TRIM37: variants seen among roughly 807,000 people sequenced by gnomAD.
The protein encoded by TRIM37 is tripartite motif containing 37.
Under a neutral mutation model 129.8 loss-of-function variants are expected in TRIM37, and 80 were observed. That is an observed-to-expected ratio of 0.62 (90% CI 0.51 to 0.74). TRIM37 has a LOEUF of 0.74. Among genes scored for constraint, TRIM37 ranks in the 30% least tolerant of loss-of-function variants. The pLI, the probability that TRIM37 is intolerant of heterozygous loss-of-function variation, is 0.00. For missense variants in TRIM37, 1,054 were observed against 1,176.5 expected (o/e 0.90, Z 1.52); for synonymous variants, 389 against 387.1 (o/e 1.00, Z -0.06).
At chr17:59,003,756 G>T (rs961647399) in intron 22 of TRIM37, among the ~76,000 whole-genome samples, 3 of 151,340 alleles carry the variant, frequency 2.0e-5, no homozygotes, top group African/African-American at 7.3e-5. Flanking sequence ...AGATGACACA[G>T]ATGTCTGGAA....
intron 9 of TRIM37, among the ~76,000 whole-genome samples, chr17:59,067,870 A>T (rs1383086721): frequency 1.3e-5 from 2 of 152,196 alleles, no homozygotes; most frequent in Admixed American, 6.5e-5. Flanking sequence ...TCTCCCATGC[A>T]GCACCTACAA....
chr17:58,983,348 A>G (rs1362624974), intron 24 of TRIM37: 1 of 158,912 alleles, frequency 6.3e-6, no homozygotes, highest in Admixed American at 6.2e-5. Flanking sequence ...ATCCTTTAAA[A>G]TTCTATAATA....
chr17:59,001,491 A>C, intron 23 of TRIM37, 107 bp downstream of exon 23: 1 of 1,424,670 alleles, frequency 7.0e-7, no homozygotes. Context: ...AGAAGAAGCA[A>C]AAGCAGTAGA....
At chr17:59,101,693 TATACACACACAC>T (rs1363348787) in intron 2 of TRIM37, among the ~76,000 whole-genome samples, 1 of 118,588 alleles carries the variant, frequency 8.4e-6, no homozygotes, top group African/African-American at 3.1e-5. Flanking sequence ...TATATATATA[TATACACACACAC>T]ACACACACAC....
chr17:59,076,866 G>A (rs12950833), intron 7 of TRIM37, among the ~76,000 whole-genome samples: 5 of 152,072 alleles, frequency 3.3e-5, no homozygotes, highest in Admixed American at 6.6e-5. Flanking sequence ...TCAGCTCACC[G>A]CAACCTTTGC....
chr17:58,998,097 A>T, downstream of TRIM37: 1 of 568,658 alleles, frequency 1.8e-6, no homozygotes, highest in Non-Finnish European at 2.2e-6. Context: ...CCATTAGACT[A>T]AACACAAACT....
chr17:59,056,631 G>T (rs556955897), intron 13 of TRIM37, among the ~76,000 whole-genome samples: 5 of 146,594 alleles, frequency 3.4e-5, no homozygotes, highest in Non-Finnish European at 7.5e-5. Context: ...TCGGGAGGCT[G>T]AGGCAGGAGA....
downstream of TRIM37, chr17:58,979,891 G>C: frequency 9.3e-7 from 1 of 1,074,276 alleles, no homozygotes. Flanking sequence ...GCTGTGATCA[G>C]AGTCATGGCA....
chr17:59,036,790 A>G (rs1003653854), intron 17 of TRIM37, among the ~76,000 whole-genome samples: 1 of 152,088 alleles, frequency 6.6e-6, no homozygotes, highest in Non-Finnish European at 1.5e-5. Context: ...TTTAGATCAC[A>G]TAACTCTTTA....
In TRIM37 at chr17:59,075,723, AAATAGTG is replaced by A. The variant is rs1293145472; in HGVS notation, c.617-16_617-10del. On this transcript the variant is annotated splice_polypyrimidine_tract_variant and intron_variant, in intron 7 of 23. Coordinates refer to ENST00000262294, the MANE Select transcript of TRIM37 (RefSeq NM_015294.6). ...TAGAGATGTCTTCTGACCTGATGAA[AAATAGTG>A]AATCATCAACACTTGGGTTCATTAT... 1 of 1,601,190 alleles carries A rather than the reference AAATAGTG, an allele frequency of 6.2e-7. No homozygotes were observed. The highest frequency in any genetic ancestry group is 1.1e-5 in the South Asian group (1 of 90,736).
intron 22 of TRIM37, among the ~76,000 whole-genome samples, chr17:59,009,271 G>C (rs1355602628): frequency 6.6e-6 from 1 of 151,920 alleles, no homozygotes; most frequent in Non-Finnish European, 1.5e-5. Context: ...GGGATTATAG[G>C]AGTGTGCCAC....
At chr17:58,978,925 G>A (rs1355043706), downstream of TRIM37, among the ~76,000 whole-genome samples, 1 of 152,068 alleles carries the variant, frequency 6.6e-6, no homozygotes, top group Admixed American at 6.5e-5. Context: ...GTGGTCCCAA[G>A]GTCTGCAGTC....
At chr17:59,049,529 G>C (rs2040149510) in intron 14 of TRIM37, 136 bp from the exon 15 acceptor site, 1 of 841,120 alleles carries the variant, frequency 1.2e-6, no homozygotes, top group East Asian at 2.6e-5. Context: ...GTCTCACTCT[G>C]TTGCCCAGGC....
intron 24 of TRIM37, among the ~76,000 whole-genome samples, chr17:58,987,047 G>A (rs369623362): frequency 7.2e-5 from 11 of 152,238 alleles, no homozygotes; most frequent in East Asian, 5.8e-4. Context: ...CCCCAGTCAC[G>A]CAACCTCCAG....
intron 3 of TRIM37, among the ~76,000 whole-genome samples, chr17:59,090,845 C>T (rs1363883668): frequency 2.0e-5 from 3 of 152,026 alleles, no homozygotes; most frequent in Non-Finnish European, 2.9e-5. Context: ...AGGCTGGTGT[C>T]GAATTCCCGA....
At chr17:59,027,000 CAG>C (rs1367764185) in intron 19 of TRIM37, among the ~76,000 whole-genome samples, 12 of 152,206 alleles carry the variant, frequency 7.9e-5, no homozygotes, top group Non-Finnish European at 1.6e-4. Flanking sequence ...TTAAGTGCCA[CAG>C]AGTCAAAAAT....
At chr17:59,016,302 G>A (rs1055010426) in intron 20 of TRIM37, among the ~76,000 whole-genome samples, 5 of 149,274 alleles carry the variant, frequency 3.3e-5, no homozygotes, top group African/African-American at 1.2e-4. Flanking sequence ...ACTGAGGCAG[G>A]AGAATCACTT....
chr17:59,005,428 C>T (rs1192150275), intron 22 of TRIM37, among the ~76,000 whole-genome samples: 1 of 152,128 alleles, frequency 6.6e-6, no homozygotes, highest in Non-Finnish European at 1.5e-5. Flanking sequence ...GGATTACAGG[C>T]ATGTGCCACC....
At chr17:59,095,073 G>A (rs1408231081) in intron 2 of TRIM37, among the ~76,000 whole-genome samples, 2 of 151,996 alleles carry the variant, frequency 1.3e-5, no homozygotes, top group African/African-American at 2.4e-5. Context: ...AAAATTAGCC[G>A]GGCATGGTGG....
Sources: gnomAD v4.1 joint callset for allele counts (sites outside exome capture counted in the v4.1 genomes callset) on GRCh38, gnomAD v4.1.1 for gene constraint, MANE v1.5 for transcripts, NCBI Gene and HGNC (gene_info 2026-07-23, HGNC 2026-07-21) for gene names.